The following SCUBE2 variants were observed in gnomAD, a reference collection of about 807,000 sequenced individuals.
SCUBE2 encodes signal peptide, CUB domain and EGF like domain containing 2, also known as signal peptide, CUB and EGF-like domain-containing protein 2.
A neutral mutation model predicts 125.9 loss-of-function variants in SCUBE2; 114 were observed. That is an observed-to-expected ratio of 0.91 (90% confidence interval 0.78 to 1.06). The LOEUF is 1.06. Among genes scored for constraint, SCUBE2 ranks in the 50% least tolerant of loss-of-function variants. The pLI, the probability that SCUBE2 is intolerant of heterozygous loss-of-function variation, is 0.00. For missense variants in SCUBE2, 1,255 were observed against 1,301.8 expected, an observed-to-expected ratio of 0.96 and a Z score of 0.55; for synonymous variants, 459 against 492.9, an observed-to-expected ratio of 0.93 and a Z score of 0.91.
chr11:9,079,066 G>GA (rs34108362), intron 3 of SCUBE2, among the ~76,000 whole-genome samples: 4 of 150,908 alleles, frequency 2.7e-5, no homozygotes, highest in African/African-American at 4.9e-5. Flanking sequence ...TTACAGCATT[G>GA]AAAAAAAAAA....
intron 17 of SCUBE2, 40 bp from the exon 18 acceptor site, chr11:9,030,965 G>C (rs753731645): frequency 1.3e-5 from 21 of 1,575,356 alleles, no homozygotes; most frequent in Non-Finnish European, 1.5e-5. Flanking sequence ...AGGCCTCCAG[G>C]CAGACCCTTG....
chr11:9,060,506 T>C lies in SCUBE2; in HGVS notation c.869A>G (p.Asn290Ser). 6.2e-7 allele frequency: 1 copy of C among 1,613,838 alleles called. No homozygotes were observed. Among genetic ancestry groups the C allele is most frequent in the Non-Finnish European group, 8.5e-7 (1 of 1,179,840 alleles). Residue 290 changes from asparagine (N) to serine (S), a missense_variant, in exon 8 of 23, where the codon AAT becomes AGT. Coordinates refer to ENST00000649792, the MANE Select transcript of SCUBE2 (RefSeq NM_001367977.2). ...CTTACAGGTGCGGTCACAGCCTCCATTGTTGACAGCACACGTTTCTGGCAA... is the reference window on the plus strand; with the variant it reads ...CTTACAGGTGCGGTCACAGCCTCCACTGTTGACAGCACACGTTTCTGGCAA... ...RLLMETCAVN[N>S]GGCDRTCKDT...
At chr11:9,086,776 C>G (rs1451216769) in intron 2 of SCUBE2, among the ~76,000 whole-genome samples, 2 of 148,554 alleles carry the variant, frequency 1.3e-5, no homozygotes, top group African/African-American at 5.0e-5. Flanking sequence ...TTGCTTGAAC[C>G]TGGGAGGCGG....
chr11:9,048,547 T>C (rs1256421185), intron 14 of SCUBE2, among the ~76,000 whole-genome samples: 1 of 152,256 alleles, frequency 6.6e-6, no homozygotes, highest in Non-Finnish European at 1.5e-5. Context: ...TCAGGCAAAC[T>C]GACCTTGGAG....
At chr11:9,023,784 A>G (rs1464134040) in intron 21 of SCUBE2, among the ~76,000 whole-genome samples, 2 of 152,156 alleles carry the variant, frequency 1.3e-5, no homozygotes, top group Non-Finnish European at 2.9e-5. Flanking sequence ...AATCAAGTCT[A>G]CTTTATGGAG....
intron 7 of SCUBE2, 89 bp from the exon 8 acceptor site, chr11:9,060,613 G>T (rs1377442704): frequency 9.5e-7 from 1 of 1,051,460 alleles, no homozygotes; most frequent in Non-Finnish European, 1.4e-6. Context: ...AGCATGGTGG[G>T]GTACTCATGG....
chr11:9,053,629 C>A lies in SCUBE2; in HGVS notation c.1330+8G>T. On this transcript the variant is annotated splice_region_variant and intron_variant, in intron 11 of 22. Transcript: ENST00000649792. ...TGCTGTCTGAGTCTGTGCCTCGGTT[C>A]CCCTTACCCACACAGTCTTTTTTAT... 6.2e-7 allele frequency: 1 copy of A among 1,613,538 alleles called. No individual in the cohort carries two copies. The highest frequency in any genetic ancestry group is 1.1e-5 in the South Asian group (1 of 91,016).
At chr11:9,090,565 T>G (rs930252780) in intron 1 of SCUBE2, among the ~76,000 whole-genome samples, 1 of 151,850 alleles carries the variant, frequency 6.6e-6, no homozygotes, top group Non-Finnish European at 1.5e-5. Context: ...TCTTCCACTG[T>G]GGCCCAGGTA....
intron 21 of SCUBE2, chr11:9,025,334 C>T (rs1317666399): frequency 6.0e-6 from 1 of 166,946 alleles, no homozygotes; most frequent in African/African-American, 2.4e-5. Flanking sequence ...TAGGAACTCT[C>T]ACTGAACTCT....
At chr11:9,074,673 C>A (rs1031352775) in intron 3 of SCUBE2, 58 bp from the exon 4 acceptor site, 3 of 1,597,620 alleles carry the variant, frequency 1.9e-6, no homozygotes, top group Non-Finnish European at 1.7e-6. Flanking sequence ...CCCCACCTCA[C>A]CCAGCAGCTC....
Position 9,029,880 on chromosome 11 carries a change from C to A in SCUBE2, c.2503+4G>T. ...ACTATGAAAAGCCTTAGAGAGGGAC[C>A]TACTTTTACACTGGGTTATGTTTGT... On this transcript the variant is annotated splice_donor_region_variant and intron_variant, in intron 19 of 22. Transcript: ENST00000649792. The A allele has an allele frequency of 6.2e-7, 1 of 1,614,152 alleles. No homozygotes were observed. Among genetic ancestry groups the A allele is most frequent in the Non-Finnish European group, 8.5e-7 (1 of 1,180,008 alleles).
chr11:9,048,071 A>G lies in SCUBE2; in HGVS notation c.1667T>C (p.Phe556Ser). The G allele has an allele frequency of 1.2e-6, 2 of 1,613,682 alleles. No homozygotes were observed. The highest frequency in any genetic ancestry group is 1.1e-5 in the South Asian group (1 of 91,030). The change falls in exon 15 of 23, where the codon TTC becomes TCC. Residue 556 changes from phenylalanine (F) to serine (S), a missense_variant. Physicochemically the swap from Phe to Ser is radical, Grantham distance 155. Around this residue, in one of 3 missense-constraint regions of SCUBE2, gnomAD observed 378 missense variants for 463.1 expected, o/e 0.82. Coordinates refer to ENST00000649792, the MANE Select transcript of SCUBE2 (RefSeq NM_001367977.2). ...GCTGCATGTAAGGTTTACGTAGCGGAAGCTCTCTTTTACTGAGCTGTGCTT... is the reference window on the plus strand; with the variant it reads ...GCTGCATGTAAGGTTTACGTAGCGGGAGCTCTCTTTTACTGAGCTGTGCTT... The part of the protein sequence containing the change: ...PEKHSSVKES[F>S]RYVNLTCSSG...
At chr11:9,051,216 A>ATCTG (rs1566200486) in intron 13 of SCUBE2, among the ~76,000 whole-genome samples, 4 of 145,124 alleles carry the variant, frequency 2.8e-5, no homozygotes, top group Non-Finnish European at 4.7e-5. Flanking sequence ...CTATCTATCT[A>ATCTG]TCTATCTATC....
chr11:9,030,985 C>A, intron 17 of SCUBE2, 60 bp from the exon 18 acceptor site: 1 of 1,515,384 alleles, frequency 6.6e-7, no homozygotes. Flanking sequence ...GCTCCCCACT[C>A]TCCAAATGAG....
At chr11:9,089,913 C>T in intron 1 of SCUBE2, 84 bp from the exon 2 acceptor site, 2 of 1,509,178 alleles carry the variant, frequency 1.3e-6, no homozygotes, top group Middle Eastern at 2.3e-4. Flanking sequence ...ATCATCCTCA[C>T]CAGCCCACCC....
chr11:9,075,263 C>A (rs1861129956), intron 3 of SCUBE2, among the ~76,000 whole-genome samples: 2 of 146,474 alleles, frequency 1.4e-5, no homozygotes, highest in African/African-American at 5.1e-5. Flanking sequence ...CAGCAAGAGA[C>A]AAATATACAA....
chr11:9,027,183 A>G (rs1855841071), intron 20 of SCUBE2, 181 bp downstream of exon 20: 1 of 624,770 alleles, frequency 1.6e-6, no homozygotes, highest in East Asian at 2.8e-5. Context: ...GCCCAGCAAG[A>G]CGCTTCAGTG....
chr11:9,091,385 C>A lies in SCUBE2; in HGVS notation c.133+11G>T. ...GCTGTGCCAGGTGCGCCCCCGCGGC[C>A]GGACACTCACCCTCCTGCGGCCCCG... is the stretch of plus-strand genomic sequence containing the variant. On this transcript the variant is annotated intron_variant, in intron 1 of 22. Coordinates refer to ENST00000649792, the MANE Select transcript of SCUBE2 (RefSeq NM_001367977.2). The surrounding 1 kb of genome is among the most constrained non-coding windows in gnomAD (Gnocchi z 8.5). 1 of 1,310,104 alleles carries A rather than the reference C, an allele frequency of 7.6e-7. No individual in the cohort carries two copies. Among genetic ancestry groups the A allele is most frequent in the East Asian group, 3.2e-5 (1 of 30,844 alleles). 81.2% of individuals were successfully genotyped at this position (1,310,104 alleles called of 1,614,324 possible). A position where few individuals can be genotyped will look rare whatever the true frequency, so the allele number is the denominator to read the frequency against.
intron 4 of SCUBE2, among the ~76,000 whole-genome samples, chr11:9,074,049 G>A (rs1861019045): frequency 1.3e-5 from 2 of 152,086 alleles, no homozygotes; most frequent in South Asian, 2.1e-4. Flanking sequence ...CTGAAAACAG[G>A]GCACTTCATT....
Sources: gnomAD v4.1 joint callset for allele counts (sites outside exome capture counted in the v4.1 genomes callset) on GRCh38, gnomAD v4.1.1 for gene constraint, gnomAD v4.1.1 regional missense constraint, Gnocchi (gnomAD v3.1) non-coding constraint, MANE v1.5 for transcripts, NCBI Gene and HGNC (gene_info 2026-07-23, HGNC 2026-07-21) for gene names.